The following FEZ1 variants were observed in gnomAD, a reference collection of about 807,000 sequenced individuals.
FEZ1 encodes fasciculation and elongation protein zeta-1.
In FEZ1, 20 loss-of-function variants were observed where a neutral mutation model predicts 49.3. The ratio of observed to expected loss-of-function variants is 0.41; its 90% CI spans 0.29 to 0.59. The LOEUF is 0.59. FEZ1 is among the 20% of genes least tolerant of loss of function. FEZ1 has a pLI of 0.36. For missense variants in FEZ1, 413 were observed against 476.0 expected (o/e 0.87, Z 1.23); for synonymous variants, 170 against 180.9 (o/e 0.94, Z 0.48).
rs1170783764 is a variant in FEZ1, at chr11:125,489,663, C to T, written c.115G>A (p.Glu39Lys). The T allele has an allele frequency of 9.3e-6, 15 of 1,614,006 alleles. No individual in the cohort carries two copies. Among genetic ancestry groups the T allele is most frequent in the African/African-American group, 1.3e-5 (1 of 74,988 alleles). Reference sequence around the variant, plus strand: ...TCAAGCTCGGAGAGGGAGGGGTCCTCGAGATGGTGGGGAGATGAACCATAG... The same window carrying T: ...TCAAGCTCGGAGAGGGAGGGGTCCTTGAGATGGTGGGGAGATGAACCATAG... ...CFYGSSPHHL[E>K]DPSLSELENF... Residue 39 changes from glutamate (E) to lysine (K), a missense_variant, in exon 2 of 10, where the codon GAG (glutamate) becomes AAG (lysine). Glu to Lys is a moderately conservative substitution (Grantham distance 56). Coordinates refer to ENST00000278919, the MANE Select transcript of FEZ1 (RefSeq NM_005103.5). This position sits in a 1 kb window ranked among gnomAD's most constrained non-coding sequence, Gnocchi z 4.2.
intron 1 of FEZ1, among the ~76,000 whole-genome samples, chr11:125,493,334 C>A (rs574280437): frequency 2.0e-4 from 19 of 95,874 alleles, no homozygotes; most frequent in Admixed American, 3.4e-4. Flanking sequence ...AACTCCATCT[C>A]AAGAAAGAAA....
In FEZ1 at chr11:125,460,630, G is replaced by T. The variant is rs1957065869; in HGVS notation, c.535C>A (p.Pro179Thr). The change falls in exon 5 of 10, where the codon CCA (proline) becomes ACA (threonine). Residue 179 changes from proline (P) to threonine (T), a missense_variant. Coordinates refer to ENST00000278919, the MANE Select transcript of FEZ1 (RefSeq NM_005103.5). ...EEIEEMMQNSPDPEEEEEVLE... is the reference protein window; with the variant it reads ...EEIEEMMQNSTDPEEEEEVLE... ...ACCTCCTCTTCTTCCTCAGGGTCTG[G>T]GGAGTTCTGCATCATTTCCTCAATC... 2 of 1,613,862 alleles carry T rather than the reference G, an allele frequency of 1.2e-6. No homozygotes were observed. The highest frequency in any genetic ancestry group is 1.7e-6 in the Non-Finnish European group (2 of 1,179,902).
At chr11:125,482,009 GAGAGAGAGAGAGAGAA>G (rs1467585707) in intron 2 of FEZ1, among the ~76,000 whole-genome samples, 2 of 148,330 alleles carry the variant, frequency 1.3e-5, no homozygotes, top group East Asian at 1.9e-4. Flanking sequence ...CCTATGGGCA[GAGAGAGAGAGAGAGAA>G]AGAGAGAGAG....
chr11:125,450,874 G>T (rs1248071989), intron 8 of FEZ1, among the ~76,000 whole-genome samples: 2 of 152,110 alleles, frequency 1.3e-5, no homozygotes, highest in Non-Finnish European at 2.9e-5. Flanking sequence ...TAGACAATGA[G>T]TTATTTATTT....
chr11:125,463,367 C>T (rs1341926185), intron 4 of FEZ1, 117 bp downstream of exon 4: 2 of 671,864 alleles, frequency 3.0e-6, no homozygotes, highest in South Asian at 1.8e-5. Context: ...TGAGCACAGG[C>T]ACCACATGAC....
intron 8 of FEZ1, among the ~76,000 whole-genome samples, chr11:125,449,441 A>AAAAAAAAAAAAAAAAAAAAAG (rs796507357): frequency 1.8e-4 from 23 of 128,264 alleles, no homozygotes; most frequent in East Asian, 5.7e-4. Flanking sequence ...AAAAAAAAAA[A>AAAAAAAAAAAAAAAAAAAAAG]AAGAAGAAGA....
At chr11:125,458,133 A>C (rs549349996) in intron 5 of FEZ1, among the ~76,000 whole-genome samples, 1 of 152,294 alleles carries the variant, frequency 6.6e-6, no homozygotes, top group Admixed American at 6.5e-5. Context: ...TGCCGCTGCT[A>C]TTCAAAGCCA....
At chr11:125,467,472 T>A (rs978037719) in intron 3 of FEZ1, among the ~76,000 whole-genome samples, 9 of 152,144 alleles carry the variant, frequency 5.9e-5, no homozygotes, top group African/African-American at 2.2e-4. Flanking sequence ...TAATGAACAA[T>A]TGAAAAAGAG....
At chr11:125,467,285 C>T (rs1363207540) in intron 3 of FEZ1, among the ~76,000 whole-genome samples, 1 of 152,208 alleles carries the variant, frequency 6.6e-6, no homozygotes, top group East Asian at 1.9e-4. Flanking sequence ...CTCAAGCAAT[C>T]CTCCCACCTC....
chr11:125,490,740 C>T (rs1783926), intron 1 of FEZ1, among the ~76,000 whole-genome samples: 106,873 of 151,900 alleles, frequency 0.7, 37,646 homozygotes, highest in Admixed American at 0.76. Flanking sequence ...CAATAGAGAC[C>T]TTCCAATAAA....
chr11:125,466,321 A>G (rs755863063), intron 3 of FEZ1, among the ~76,000 whole-genome samples: 3 of 152,130 alleles, frequency 2.0e-5, no homozygotes, highest in Non-Finnish European at 4.4e-5. Flanking sequence ...TCTCTAAAAA[A>G]ATAGAAAAAT....
At chr11:125,472,037 G>GA (rs1395704015) in intron 3 of FEZ1, among the ~76,000 whole-genome samples, 1 of 151,936 alleles carries the variant, frequency 6.6e-6, no homozygotes, top group Non-Finnish European at 1.5e-5. Context: ...GAAATTGCAA[G>GA]AAAAAATTAG....
At chr11:125,494,696 GGAAAA>G (rs1957439821) in intron 1 of FEZ1, among the ~76,000 whole-genome samples, 1 of 152,114 alleles carries the variant, frequency 6.6e-6, no homozygotes, top group South Asian at 2.1e-4. Context: ...GGTGTAATTT[GGAAAA>G]GAAAAGACAC....
chr11:125,494,401 A>C (rs1352920708), intron 1 of FEZ1, among the ~76,000 whole-genome samples: 1 of 152,196 alleles, frequency 6.6e-6, no homozygotes, highest in Non-Finnish European at 1.5e-5. Flanking sequence ...TCCTTCAACT[A>C]AAATGTCTGA....
chr11:125,473,369 A>T (rs1957199921), intron 3 of FEZ1, among the ~76,000 whole-genome samples: 1 of 152,228 alleles, frequency 6.6e-6, no homozygotes, highest in Non-Finnish European at 1.5e-5. Flanking sequence ...CTTGAAGCCC[A>T]GCACTGTGGA....
At chr11:125,488,716 T>C in intron 2 of FEZ1, 1 of 983,526 alleles carries the variant, frequency 1.0e-6, no homozygotes, top group Non-Finnish European at 1.2e-6. Context: ...AAAAAACACA[T>C]CCCCCGAGGA....
At chr11:125,460,690 G>A in intron 4 of FEZ1, 24 bp from the exon 5 acceptor site, 1 of 1,603,580 alleles carries the variant, frequency 6.2e-7, no homozygotes, top group Non-Finnish European at 8.5e-7. Context: ...ACGAGAGAGT[G>A]CTAACTCTGT....
intron 2 of FEZ1, chr11:125,481,894 A>T: frequency 2.0e-6 from 1 of 499,870 alleles, no homozygotes; most frequent in Middle Eastern, 5.4e-4. Context: ...ATTGAGATAC[A>T]AATGGCAGCA....
At chr11:125,456,959 G>A (rs541524231) in intron 5 of FEZ1, among the ~76,000 whole-genome samples, 24 of 152,070 alleles carry the variant, frequency 1.6e-4, no homozygotes, top group South Asian at 6.2e-4. Flanking sequence ...TGCGATGTGC[G>A]GATCACCTGA....
Sources: gnomAD v4.1 joint callset for allele counts (sites outside exome capture counted in the v4.1 genomes callset) on GRCh38, gnomAD v4.1.1 for gene constraint, Gnocchi (gnomAD v3.1) non-coding constraint, MANE v1.5 for transcripts, NCBI Gene and HGNC (gene_info 2026-07-23, HGNC 2026-07-21) for gene names.